EPHX2: variants seen among roughly 807,000 people sequenced by gnomAD.
EPHX2 encodes the protein epoxide hydrolase 2, also known as bifunctional epoxide hydrolase 2.
In EPHX2, 74 loss-of-function variants were observed where a neutral mutation model predicts 78.7. The observed-to-expected ratio is 0.94, with a 90% CI of 0.78 to 1.14. The LOEUF (loss-of-function observed/expected upper bound fraction) is 1.14. Ranked by LOEUF, EPHX2 falls within the 50% of genes most tolerant of loss-of-function variation. The probability of loss-of-function intolerance (pLI) is 0.00; values close to 1 mark genes in which losing one functional copy is unlikely to be tolerated. For synonymous variants in EPHX2, 251 were observed against 255.2 expected (o/e 0.98, Z 0.16); for missense variants, 715 against 702.5 (o/e 1.02, Z -0.20).
chr8:27,493,534 A>G (rs982599319), intron 1 of EPHX2, among the ~76,000 whole-genome samples: 5 of 152,206 alleles, frequency 3.3e-5, no homozygotes, highest in African/African-American at 9.7e-5. Context: ...TAAACTGGCT[A>G]TTCTGGTTCC....
chr8:27,524,267 C>T (rs1814748996), intron 11 of EPHX2, among the ~76,000 whole-genome samples: 1 of 152,030 alleles, frequency 6.6e-6, no homozygotes, highest in Non-Finnish European at 1.5e-5. Context: ...ATCCTATTCC[C>T]TCTTCAGGTG....
At chr8:27,492,028 A>G (rs935855207) in intron 1 of EPHX2, among the ~76,000 whole-genome samples, 1 of 151,634 alleles carries the variant, frequency 6.6e-6, no homozygotes, top group Non-Finnish European at 1.5e-5. Context: ...GGAGAGAAGT[A>G]TACTTATTTA....
At chr8:27,509,475 C>T (rs1456728549) in intron 5 of EPHX2, among the ~76,000 whole-genome samples, 1 of 152,106 alleles carries the variant, frequency 6.6e-6, no homozygotes, top group Non-Finnish European at 1.5e-5. Context: ...GACAGAGTCT[C>T]ACTCTGTTGG....
At chr8:27,522,942 CAA>C (rs1390593614) in intron 11 of EPHX2, among the ~76,000 whole-genome samples, 1 of 101,142 alleles carries the variant, frequency 9.9e-6, no homozygotes, top group Non-Finnish European at 1.8e-5. Context: ...GCCTGGGTGA[CAA>C]GAGTGAAACT....
chr8:27,544,810 G>A lies in EPHX2; in HGVS notation c.*288G>A, dbSNP rs945288831. 2 of 409,776 alleles carry A rather than the reference G, an allele frequency of 4.9e-6. No homozygotes were observed. Among genetic ancestry groups the A allele is most frequent in the Non-Finnish European group, 8.7e-6 (2 of 229,132 alleles). 25.4% of individuals were successfully genotyped at this position (409,776 alleles called of 1,614,324 possible). ...GGGGGACAGAATGGGGTGGCCAGGT[G>A]GTGATTTCTCTTTGACCAATGCATA... On this transcript the variant is annotated 3_prime_UTR_variant, in exon 19 of 19. Coordinates refer to ENST00000521400, the MANE Select transcript of EPHX2 (RefSeq NM_001979.6).
intron 12 of EPHX2, among the ~76,000 whole-genome samples, chr8:27,527,404 A>C (rs1411267927): frequency 6.6e-6 from 1 of 152,202 alleles, no homozygotes; most frequent in Non-Finnish European, 1.5e-5. Context: ...GTAATGTAAA[A>C]TTGACCATGT....
intron 11 of EPHX2, among the ~76,000 whole-genome samples, chr8:27,525,107 T>TGTGTGCGCGCGC (rs1491544464): frequency 1.4e-4 from 15 of 103,492 alleles, no homozygotes; most frequent in South Asian, 8.7e-4. Context: ...TGTGTGTGTG[T>TGTGTGCGCGCGC]GCGCGCGCGC....
chr8:27,492,572 G>C (rs893002926), intron 1 of EPHX2, among the ~76,000 whole-genome samples: 1 of 152,158 alleles, frequency 6.6e-6, no homozygotes, highest in African/African-American at 2.4e-5. Flanking sequence ...AAGAGTGAGT[G>C]ATAGCAAGGT....
chr8:27,542,606 G>A (rs1226616037), intron 16 of EPHX2, among the ~76,000 whole-genome samples: 4 of 152,164 alleles, frequency 2.6e-5, no homozygotes, highest in Non-Finnish European at 5.9e-5. Flanking sequence ...GCGCTGGGAA[G>A]GTGAATCCCA....
At chr8:27,507,084 C>G in intron 5 of EPHX2, 90 bp downstream of exon 5, 1 of 1,515,782 alleles carries the variant, frequency 6.6e-7, no homozygotes, top group African/African-American at 1.4e-5. Context: ...AGCTGCTGTC[C>G]GTGGAGTCCA....
At chr8:27,515,458 T>C in intron 6 of EPHX2, 2 of 468,514 alleles carry the variant, frequency 4.3e-6, no homozygotes, top group Non-Finnish European at 3.9e-6. Flanking sequence ...TGTGTTGTTT[T>C]GTTTTATTTT....
chr8:27,516,870 T>A (rs1814474165), intron 8 of EPHX2, among the ~76,000 whole-genome samples: 2 of 152,110 alleles, frequency 1.3e-5, no homozygotes, highest in African/African-American at 4.8e-5. Flanking sequence ...CTTAGCATAA[T>A]GTCCTGAAGT....
Position 27,544,218 on chromosome 8 carries a change from C to T in EPHX2, c.1563C>T (p.Asp521=). The change falls in exon 18 of 19, where the codon GAC becomes GAT. Residue 521 remains aspartate (D), a synonymous_variant. Coordinates refer to ENST00000521400, the MANE Select transcript of EPHX2 (RefSeq NM_001979.6). ...IPHLKRGHIE[D]CGHWTQMDKP... is the part of the protein sequence containing the mutation. The stretch of plus-strand genomic sequence containing the variant: ...ACCTGAAAAGGGGACACATTGAGGA[C>T]TGTGGGCACTGGACACAGATGGACA... 6.2e-7 allele frequency: 1 copy of T among 1,614,200 alleles called. No individual in the cohort carries two copies. The highest frequency in any genetic ancestry group is 8.5e-7 in the Non-Finnish European group (1 of 1,180,036).
In EPHX2 at chr8:27,491,245, G is replaced by T. The variant is rs780508291; in HGVS notation, c.37G>T (p.Val13Leu). 2 of 1,585,336 alleles carry T rather than the reference G, an allele frequency of 1.3e-6. No homozygotes were observed. The highest frequency in any genetic ancestry group is 1.7e-6 in the Non-Finnish European group (2 of 1,174,488). The change falls in exon 1 of 19, where the codon GTG (valine) becomes TTG (leucine). Residue 13 changes from valine to leucine, a missense_variant. Val to Leu is a conservative substitution (Grantham distance 32). Transcript: ENST00000521400. Reference protein sequence around the residue: ...LRAAVFDLDGVLALPAVFGVL... With the variant: ...LRAAVFDLDGLLALPAVFGVL... Reference sequence around the variant, plus strand: ...CGCGGCCGTCTTCGACCTTGACGGGGTGCTGGCGCTGCCAGCGGTGTTCGG... The same window carrying T: ...CGCGGCCGTCTTCGACCTTGACGGGTTGCTGGCGCTGCCAGCGGTGTTCGG...
In EPHX2 at chr8:27,491,955, T is replaced by G. The variant is rs1813396280; in HGVS notation, c.101+646T>G. On this transcript the variant is annotated intron_variant, in intron 1 of 18. Transcript: ENST00000521400. The stretch of plus-strand genomic sequence containing the variant: ...TTTCTCTCTCTCTTTTTTTTGTGTT[T>G]TTTTTTTTTGTAGTTTCCAACTTCT... Among the ~76,000 whole-genome samples, 3 of 151,054 alleles carry G rather than the reference T, an allele frequency of 2.0e-5. No individual in the cohort carries two copies. The South Asian group carries it at 6.2e-4, about 31-fold the overall frequency.
intron 7 of EPHX2, 108 bp from the exon 8 acceptor site, chr8:27,516,212 C>T (rs1044626534): frequency 5.1e-5 from 57 of 1,117,012 alleles, no homozygotes; most frequent in African/African-American, 7.7e-5. Context: ...TGCCCTGTGG[C>T]TCTTGGTTTG....
intron 8 of EPHX2, among the ~76,000 whole-genome samples, chr8:27,517,106 G>C (rs947269872): frequency 1.3e-5 from 2 of 151,852 alleles, no homozygotes; most frequent in Non-Finnish European, 1.5e-5. Context: ...TTTTAGTAGA[G>C]ACCCACTTTG....
chr8:27,512,114 A>AAG, intron 6 of EPHX2: 7 of 533,218 alleles, frequency 1.3e-5, no homozygotes, highest in South Asian at 2.4e-5. Context: ...AAAAAAAAAA[A>AAG]AAAAGGACCA....
intron 5 of EPHX2, among the ~76,000 whole-genome samples, chr8:27,508,512 G>T (rs932239589): frequency 2.0e-5 from 3 of 152,182 alleles, no homozygotes; most frequent in African/African-American, 7.2e-5. Context: ...CAACAGAGAA[G>T]AAAGCACATC....
Sources: allele counts gnomAD v4.1 joint callset (sites outside exome capture counted in the v4.1 genomes callset), GRCh38; gene constraint gnomAD v4.1.1; transcripts MANE v1.5; gene names NCBI Gene and HGNC (gene_info 2026-07-23, HGNC 2026-07-21).